CEP63: variants seen among roughly 807,000 people sequenced by gnomAD.
The protein encoded by CEP63 is centrosomal protein of 63 kDa.
A neutral mutation model predicts 89.1 loss-of-function variants in CEP63; 84 were observed. The observed-to-expected ratio is 0.94, with a 90% CI of 0.79 to 1.13. CEP63 has a LOEUF of 1.13. Ranked by LOEUF, CEP63 falls within the 50% of genes most tolerant of loss-of-function variation. The pLI is 0.00. For missense variants in CEP63, 838 were observed against 813.3 expected, an observed-to-expected ratio of 1.03 and a Z score of -0.37; for synonymous variants, 267 against 272.5, an observed-to-expected ratio of 0.98 and a Z score of 0.20.
At chr3:134,486,598 G>C in intron 1 of CEP63, 1 of 890,192 alleles carries the variant, frequency 1.1e-6, no homozygotes, top group Non-Finnish European at 1.3e-6. Context: ...TTCCCCGGCG[G>C]ACCCACCTTC....
At chr3:134,769,038 T>C in the CEP63 span, among the ~76,000 whole-genome samples, 1 of 152,178 alleles carries the variant, frequency 6.6e-6, no homozygotes, top group South Asian at 2.1e-4. Context: ...AAGGAACCGG[T>C]CAGGCCAGGG....
chr3:134,754,262 G>A, the CEP63 span, among the ~76,000 whole-genome samples: 1 of 152,190 alleles, frequency 6.6e-6, no homozygotes. Flanking sequence ...CCCTGAGGCT[G>A]TCTGGCTAGG....
chr3:134,560,028 G>GA (rs1183386297), intron 14 of CEP63, among the ~76,000 whole-genome samples: 2 of 152,198 alleles, frequency 1.3e-5, no homozygotes, highest in African/African-American at 4.8e-5. Context: ...ATATAGATGT[G>GA]AAAGTGCAGT....
chr3:134,743,687 T>C, the CEP63 span, among the ~76,000 whole-genome samples: 5 of 152,132 alleles, frequency 3.3e-5, no homozygotes, highest in Non-Finnish European at 5.9e-5. Flanking sequence ...AGACCAGTCA[T>C]CTTCACCTAC....
At chr3:134,684,899 A>G in the CEP63 span, among the ~76,000 whole-genome samples, 2 of 152,126 alleles carry the variant, frequency 1.3e-5, no homozygotes, top group Non-Finnish European at 2.9e-5. Context: ...TTGGCATGAG[A>G]TATGCTTATT....
At chr3:134,626,014 A>AC in the CEP63 span, among the ~76,000 whole-genome samples, 1 of 152,242 alleles carries the variant, frequency 6.6e-6, no homozygotes, top group Non-Finnish European at 1.5e-5. Context: ...CAATGGTTAG[A>AC]CCAACAGGTG....
At chr3:134,535,121 G>A (rs574861561) in intron 5 of CEP63, among the ~76,000 whole-genome samples, 133 of 151,804 alleles carry the variant, frequency 8.8e-4, no homozygotes, top group African/African-American at 3.0e-3. Flanking sequence ...CTCTTGACCC[G>A]TCTCTTCCTC....
the CEP63 span, among the ~76,000 whole-genome samples, chr3:134,648,658 C>T: frequency 6.6e-6 from 1 of 152,136 alleles, no homozygotes; most frequent in East Asian, 1.9e-4. Context: ...GCCCAAATTC[C>T]TAGTGACCTA....
the CEP63 span, among the ~76,000 whole-genome samples, chr3:134,686,350 G>A: frequency 6.6e-6 from 1 of 152,184 alleles, no homozygotes; most frequent in Admixed American, 6.5e-5. Flanking sequence ...CAGAAGGTAG[G>A]CTCAAGTTAC....
rs987596254 is a variant in CEP63 at position 134,584,296 on chromosome 3, T to C, written c.1207-3162T>C. 1.3e-5 allele frequency among the ~76,000 whole-genome samples: 2 copies of C among 152,216 alleles called. 1 individual carries two copies. The highest frequency in any genetic ancestry group is 4.8e-5 in the African/African-American group (2 of 41,440). Reference sequence around the variant, plus strand: ...GCCTCCAATTTTTGCCCATTCAGTATGGTATCGGCTGTGGGTTTCTCATAA... The same window carrying C: ...GCCTCCAATTTTTGCCCATTCAGTACGGTATCGGCTGTGGGTTTCTCATAA... On this transcript the variant is annotated intron_variant, in intron 10 of 10. Transcript: ENST00000683931.
chr3:134,709,067 T>A, the CEP63 span, among the ~76,000 whole-genome samples: 1 of 150,688 alleles, frequency 6.6e-6, no homozygotes, highest in South Asian at 2.1e-4. Context: ...AGGGTACAGA[T>A]GAAAGGTACA....
intron 12 of CEP63, among the ~76,000 whole-genome samples, chr3:134,555,558 A>T (rs972791403): frequency 2.6e-5 from 4 of 151,762 alleles, no homozygotes; most frequent in African/African-American, 4.8e-5. Context: ...TAGGAATCCA[A>T]CTTACAAGGG....
the CEP63 span, among the ~76,000 whole-genome samples, chr3:134,655,984 G>A: frequency 2.0e-5 from 3 of 152,202 alleles, no homozygotes; most frequent in Non-Finnish European, 4.4e-5. Context: ...TGGAGAGGAA[G>A]TGTGTTGTGA....
the CEP63 span, among the ~76,000 whole-genome samples, chr3:134,715,929 C>T: frequency 3.3e-5 from 5 of 152,028 alleles, no homozygotes; most frequent in Non-Finnish European, 5.9e-5. Flanking sequence ...CTCCTAAAAC[C>T]AGATCTTACT....
At chr3:134,614,854 C>A in the CEP63 span, among the ~76,000 whole-genome samples, 3 of 152,136 alleles carry the variant, frequency 2.0e-5, no homozygotes, top group Non-Finnish European at 4.4e-5. Flanking sequence ...GCACCCTACA[C>A]CAATGGGCTC....
chr3:134,679,931 C>T, the CEP63 span, among the ~76,000 whole-genome samples: 160 of 152,322 alleles, frequency 1.1e-3, no homozygotes, highest in Non-Finnish European at 1.9e-3. Context: ...CCATGTTGCC[C>T]AGGCTGGTCT....
the CEP63 span, chr3:134,607,593 T>C: frequency 1.0e-6 from 1 of 985,610 alleles, no homozygotes. Flanking sequence ...TGCCCAGCAC[T>C]GGATCAGGTG....
Position 134,562,171 on chromosome 3 carries a change from A to G in CEP63, c.*636A>G, listed in dbSNP as rs984700922. On this transcript the variant is annotated 3_prime_UTR_variant, in exon 15 of 15. Transcript: ENST00000675561. ...GGACTGGCTGTCATGCACGGTGCCCATGGAATATCCATTGGAAATAAATGT... is the reference window on the plus strand; with the variant it reads ...GGACTGGCTGTCATGCACGGTGCCCGTGGAATATCCATTGGAAATAAATGT... 25 of 986,534 alleles carry G rather than the reference A, an allele frequency of 2.5e-5. No homozygotes were observed. The highest frequency in any genetic ancestry group is 8.7e-5 in the African/African-American group (5 of 57,374). The allele number at this position is 986,534 out of a possible 1,614,324, so 61.1% of individuals were successfully genotyped here.
At chr3:134,710,636 A>T in the CEP63 span, among the ~76,000 whole-genome samples, 23 of 151,626 alleles carry the variant, frequency 1.5e-4, no homozygotes. Context: ...TTTTCAGTTC[A>T]TCTTTGTATT....
Sources: gnomAD v4.1 joint callset for allele counts (sites outside exome capture counted in the v4.1 genomes callset) on GRCh38, gnomAD v4.1.1 for gene constraint, MANE v1.5 for transcripts, NCBI Gene and HGNC (gene_info 2026-07-23, HGNC 2026-07-21) for gene names.